The following ANO3 variants were observed in gnomAD, a reference collection of about 807,000 sequenced individuals.
ANO3 encodes anoctamin-3.
A neutral mutation model predicts 144.8 loss-of-function variants in ANO3; 99 were observed. The ratio of observed to expected loss-of-function variants is 0.68; its 90% confidence interval spans 0.58 to 0.81. ANO3 has a LOEUF of 0.81. Ranked by LOEUF, ANO3 falls within the 30% of genes least tolerant of loss-of-function variation. ANO3 has a pLI of 0.00. For synonymous variants in ANO3, 414 were observed against 392.6 expected (o/e 1.05, Z -0.64); for missense variants, 905 against 1,202.2 (o/e 0.75, Z 3.66).
intron 1 of ANO3, among the ~76,000 whole-genome samples, chr11:26,347,812 G>A (rs1855534112): frequency 2.0e-5 from 3 of 152,124 alleles, no homozygotes; most frequent in Admixed American, 2.0e-4. Flanking sequence ...CAGTAATCCA[G>A]GTATTGCTTA....
At chr11:26,554,293 T>G (rs1850022502) in intron 13 of ANO3, among the ~76,000 whole-genome samples, 1 of 152,192 alleles carries the variant, frequency 6.6e-6, no homozygotes, top group Non-Finnish European at 1.5e-5. Flanking sequence ...CATTATTCCA[T>G]AATATCTATA....
intron 17 of ANO3, among the ~76,000 whole-genome samples, chr11:26,618,748 C>G (rs1028017140): frequency 2.6e-5 from 4 of 152,182 alleles, no homozygotes; most frequent in Non-Finnish European, 5.9e-5. Flanking sequence ...CCCCAGGGAA[C>G]TTTGCTCTTT....
chr11:26,270,197 A>T (rs1390946093), intron 1 of ANO3, among the ~76,000 whole-genome samples: 1 of 152,132 alleles, frequency 6.6e-6, no homozygotes, highest in African/African-American at 2.4e-5. Context: ...CCTGTTCTAG[A>T]CCCTCTCCAC....
upstream of ANO3, among the ~76,000 whole-genome samples, chr11:26,308,054 T>C (rs1854424476): frequency 6.6e-6 from 1 of 152,196 alleles, no homozygotes. Flanking sequence ...ACTGAAGATA[T>C]TTAGTTCAAA....
At chr11:26,382,366 G>A (rs995734241) in intron 1 of ANO3, among the ~76,000 whole-genome samples, 1 of 152,140 alleles carries the variant, frequency 6.6e-6, no homozygotes, top group Non-Finnish European at 1.5e-5. Flanking sequence ...TTCCCAGTTT[G>A]CTGGGGTTTC....
intron 4 of ANO3, among the ~76,000 whole-genome samples, chr11:26,469,915 G>T (rs1217537461): frequency 7.6e-6 from 1 of 131,482 alleles, no homozygotes; most frequent in Non-Finnish European, 1.7e-5. Flanking sequence ...TTTGAAATTA[G>T]AAATTGTTTA....
chr11:26,449,542 GTC>G (rs1858842082), intron 3 of ANO3, among the ~76,000 whole-genome samples: 3 of 151,580 alleles, frequency 2.0e-5, no homozygotes, highest in Non-Finnish European at 4.4e-5. Flanking sequence ...TCTTTGGAGA[GTC>G]TGCTATAGAA....
At chr11:26,315,224 CA>C (rs1246829110) in intron 1 of ANO3, among the ~76,000 whole-genome samples, 2 of 152,148 alleles carry the variant, frequency 1.3e-5, no homozygotes, top group Non-Finnish European at 2.9e-5. Context: ...ATCTAATTAT[CA>C]GTCCATAAAA....
intron 1 of ANO3, among the ~76,000 whole-genome samples, chr11:26,237,759 A>G (rs561020227): frequency 1.3e-5 from 2 of 152,200 alleles, no homozygotes; most frequent in Non-Finnish European, 2.9e-5. Flanking sequence ...AAAGTTATAT[A>G]TGCCAAATTG....
intron 3 of ANO3, among the ~76,000 whole-genome samples, chr11:26,452,118 C>A (rs1428429913): frequency 2.0e-5 from 3 of 152,118 alleles, no homozygotes; most frequent in African/African-American, 4.8e-5. Context: ...GTAGATAAAA[C>A]CACAAAGATG....
chr11:26,579,853 T>C (rs1281036228), intron 14 of ANO3, among the ~76,000 whole-genome samples: 1 of 152,112 alleles, frequency 6.6e-6, no homozygotes, highest in Non-Finnish European at 1.5e-5. Flanking sequence ...AACAGCATTA[T>C]TACCAGTAAA....
chr11:26,589,282 A>G (rs974842530), intron 14 of ANO3, among the ~76,000 whole-genome samples: 6 of 152,212 alleles, frequency 3.9e-5, no homozygotes, highest in South Asian at 2.1e-4. Flanking sequence ...CATATGTGAG[A>G]GAGGGCTTTG....
At chr11:26,387,044 T>C (rs1342412618) in intron 1 of ANO3, among the ~76,000 whole-genome samples, 1 of 151,614 alleles carries the variant, frequency 6.6e-6, no homozygotes, top group Non-Finnish European at 1.5e-5. Context: ...TCGGAAAAAG[T>C]CTTATAATAA....
intron 1 of ANO3, among the ~76,000 whole-genome samples, chr11:26,338,312 A>G (rs1855248167): frequency 6.6e-6 from 1 of 152,170 alleles, no homozygotes; most frequent in Non-Finnish European, 1.5e-5. Context: ...GTCTAGCTAA[A>G]GGTTTGTAAA....
intron 1 of ANO3, among the ~76,000 whole-genome samples, chr11:26,325,870 C>T (rs909694234): frequency 1.3e-5 from 2 of 152,078 alleles, no homozygotes; most frequent in African/African-American, 4.8e-5. Context: ...ATGGAACGAC[C>T]GTTAGAGAAC....
chr11:26,352,429 G>T (rs930783472), intron 1 of ANO3, among the ~76,000 whole-genome samples: 8 of 152,012 alleles, frequency 5.3e-5, no homozygotes, highest in African/African-American at 1.7e-4. Flanking sequence ...GGCTGGCCTC[G>T]TATGTAACTC....
At chr11:26,274,002 C>A (rs999308140) in intron 1 of ANO3, among the ~76,000 whole-genome samples, 14 of 152,066 alleles carry the variant, frequency 9.2e-5, no homozygotes, top group Non-Finnish European at 1.2e-4. Context: ...ATCATGAGAA[C>A]AGACTGTTGG....
At chr11:26,560,083 T>C in intron 14 of ANO3, 1 of 266,148 alleles carries the variant, frequency 3.8e-6, no homozygotes, top group Non-Finnish European at 7.1e-6. Context: ...TCCAAATTAA[T>C]CTTCTTATAT....
chr11:26,641,206 A>C (rs992392335), intron 21 of ANO3, among the ~76,000 whole-genome samples: 2 of 127,556 alleles, frequency 1.6e-5, no homozygotes, highest in Non-Finnish European at 3.8e-5. Flanking sequence ...TGTGAGAAGC[A>C]GACTCACGGA....
Sources: allele counts gnomAD v4.1 joint callset (sites outside exome capture counted in the v4.1 genomes callset), GRCh38; gene constraint gnomAD v4.1.1; transcripts MANE v1.5; gene names NCBI Gene and HGNC (gene_info 2026-07-23, HGNC 2026-07-21).